Variants in SGCZ observed in about 807,000 individuals in gnomAD.
SGCZ encodes the protein zeta-sarcoglycan.
In SGCZ, 40 loss-of-function variants were observed where a neutral mutation model predicts 41.3. The observed-to-expected ratio is 0.97, with a 90% CI of 0.75 to 1.26. SGCZ has a LOEUF of 1.26. Among genes scored for constraint, SGCZ ranks in the 50% most tolerant of loss-of-function variants. The probability of loss-of-function intolerance (pLI) is 0.00; values close to 1 mark genes in which losing one functional copy is unlikely to be tolerated. For missense variants in SGCZ, 552 were observed against 369.8 expected, an observed-to-expected ratio of 1.49 and a Z score of -4.04; for synonymous variants, 206 against 137.5, an observed-to-expected ratio of 1.50 and a Z score of -3.49.
chr8:14,765,275 C>T (rs924924425), intron 1 of SGCZ, among the ~76,000 whole-genome samples: 8 of 152,120 alleles, frequency 5.3e-5, no homozygotes, highest in Non-Finnish European at 1.0e-4. Context: ...ATTTAATAAC[C>T]TTTTCAATGA....
At position 14,216,407 on chromosome 8, in the gene SGCZ, C is replaced by T. The variant is rs148041776; in HGVS notation, c.424+21185G>A. The stretch of plus-strand genomic sequence containing the variant: ...CACTTCCTAATTTGTCTTATGAGGC[C>T]AGCGTTACTCGGATAACAAATCTAC... On this transcript the variant is annotated intron_variant, in intron 4 of 7. Transcript: ENST00000382080. Among the ~76,000 whole-genome samples, 351 of 146,962 alleles carry T rather than the reference C, an allele frequency of 2.4e-3. 1 individual carries two copies. The highest frequency in any genetic ancestry group is 7.3e-3 in the African/African-American group (293 of 40,004).
chr8:14,170,057 ATTTT>A (rs35045034), intron 4 of SGCZ, among the ~76,000 whole-genome samples: 88 of 148,760 alleles, frequency 5.9e-4, no homozygotes, highest in East Asian at 1.6e-3. Flanking sequence ...CTTTCACTTG[ATTTT>A]TTTTTTTTTT....
intron 2 of SGCZ, among the ~76,000 whole-genome samples, chr8:14,391,696 G>A (rs531759507): frequency 6.6e-6 from 1 of 152,176 alleles, no homozygotes; most frequent in South Asian, 2.1e-4. Flanking sequence ...AGTGACGAAC[G>A]GGAGTGTTTT....
intron 1 of SGCZ, among the ~76,000 whole-genome samples, chr8:15,116,236 T>C (rs1807263118): frequency 6.6e-6 from 1 of 152,128 alleles, no homozygotes; most frequent in South Asian, 2.1e-4. Flanking sequence ...TGTAAAACAA[T>C]CAGAACCAGA....
chr8:14,436,694 A>G (rs1040385236), intron 2 of SGCZ, among the ~76,000 whole-genome samples: 1 of 152,224 alleles, frequency 6.6e-6, no homozygotes. Context: ...CTGCAGTAAC[A>G]GTTACTAATT....
chr8:15,214,328 T>A (rs1053265883), intron 1 of SGCZ, among the ~76,000 whole-genome samples: 1 of 152,130 alleles, frequency 6.6e-6, no homozygotes, highest in Admixed American at 6.5e-5. Context: ...CATACAAATA[T>A]ATGTATTATT....
At position 14,620,155 on chromosome 8, in the gene SGCZ, C is replaced by A. The variant is rs183421826; in HGVS notation, c.40-65229G>T. Among the ~76,000 whole-genome samples, 87 of 152,242 alleles carry A rather than the reference C, an allele frequency of 5.7e-4. 1 individual carries two copies. The East Asian group carries it at 0.015, about 26-fold the overall frequency. ...TACCACACATCTACAACCATCTGAT[C>A]TTTGACAAACCTGACAAAAACAAGA... On this transcript the variant is annotated intron_variant, in intron 1 of 7. Transcript: ENST00000382080.
At chr8:15,080,329 G>T (rs115808860) in intron 1 of SGCZ, among the ~76,000 whole-genome samples, 2,388 of 152,136 alleles carry the variant, frequency 0.016, 48 homozygotes, top group African/African-American at 0.054. Context: ...GACTCTGTGG[G>T]TCAATCTGAC....
intron 2 of SGCZ, among the ~76,000 whole-genome samples, chr8:14,383,389 GA>G (rs1804442506): frequency 6.6e-6 from 1 of 152,008 alleles, no homozygotes; most frequent in South Asian, 2.1e-4. Flanking sequence ...GAAGTCTAAT[GA>G]TGGAGTGACC....
chr8:14,919,255 A>G (rs1799522486), intron 1 of SGCZ, among the ~76,000 whole-genome samples: 1 of 152,004 alleles, frequency 6.6e-6, no homozygotes, highest in African/African-American at 2.4e-5. Flanking sequence ...CCTGGGTAAC[A>G]TGGTGAAATC....
chr8:14,989,788 T>C (rs568618705), intron 1 of SGCZ, among the ~76,000 whole-genome samples: 1 of 152,208 alleles, frequency 6.6e-6, no homozygotes, highest in Non-Finnish European at 1.5e-5. Context: ...TTTCATCTTT[T>C]TCATATCCTG....
chr8:14,683,128 T>C (rs1198730987), intron 1 of SGCZ, among the ~76,000 whole-genome samples: 1 of 152,184 alleles, frequency 6.6e-6, no homozygotes, highest in African/African-American at 2.4e-5. Flanking sequence ...TTCAAGTATG[T>C]CACAAAATCA....
In SGCZ at chr8:14,256,028, T is replaced by C. The variant is rs546375699; in HGVS notation, c.337-18349A>G. On this transcript the variant is annotated intron_variant, in intron 3 of 7. Transcript: ENST00000382080. ...TCGAGGAACATGCCTAAAAACTTTTTAGTAAAACTAAGTGATTGCTTGATA... is the reference window on the plus strand; with the variant it reads ...TCGAGGAACATGCCTAAAAACTTTTCAGTAAAACTAAGTGATTGCTTGATA... Among the ~76,000 whole-genome samples the C allele has an allele frequency of 4.6e-5, 7 of 152,290 alleles. No homozygotes were observed. In the South Asian group the frequency reaches 1.2e-3, roughly 27 times the overall value.
chr8:14,584,003 G>A (rs1009597546), intron 1 of SGCZ, among the ~76,000 whole-genome samples: 1 of 151,938 alleles, frequency 6.6e-6, no homozygotes, highest in Non-Finnish European at 1.5e-5. Flanking sequence ...GTTTCATTTT[G>A]TTTTTTCTGG....
chr8:14,617,743 A>G (rs974869783), intron 1 of SGCZ, among the ~76,000 whole-genome samples: 1 of 152,156 alleles, frequency 6.6e-6, no homozygotes, highest in African/African-American at 2.4e-5. Context: ...AACAATAGAC[A>G]TGGAAATAAA....
Position 14,636,410 on chromosome 8 carries a change from G to A in SGCZ, c.40-81484C>T, listed in dbSNP as rs115067637. ...CAACCAGCTAGTCTTACTAAGCTAT[G>A]AAGGCAAGAGATTTACATGAACTGA... On this transcript the variant is annotated intron_variant, in intron 1 of 7. Coordinates refer to ENST00000382080, the MANE Select transcript of SGCZ (RefSeq NM_139167.4). Among the ~76,000 whole-genome samples, 437 of 152,032 alleles carry A rather than the reference G, an allele frequency of 2.9e-3. 2 individuals are homozygous for A. Among genetic ancestry groups the A allele is most frequent in the African/African-American group, 9.8e-3 (406 of 41,534 alleles).
intron 4 of SGCZ, among the ~76,000 whole-genome samples, chr8:14,215,905 G>A (rs1805977924): frequency 6.6e-6 from 1 of 152,216 alleles, no homozygotes; most frequent in South Asian, 2.1e-4. Context: ...ACGAAAGACA[G>A]ATGAAGGAAT....
chr8:15,197,598 A>G (rs1358988928), intron 1 of SGCZ, among the ~76,000 whole-genome samples: 2 of 152,300 alleles, frequency 1.3e-5, no homozygotes, highest in African/African-American at 4.8e-5. Context: ...GGGTAAATTC[A>G]GCTTGAAAAT....
intron 2 of SGCZ, among the ~76,000 whole-genome samples, chr8:14,504,065 A>T (rs1017989119): frequency 2.0e-5 from 3 of 152,034 alleles, no homozygotes; most frequent in African/African-American, 7.2e-5. Context: ...TTTTCCAAAG[A>T]GTTCTTCCCT....
Sources: allele counts gnomAD v4.1 joint callset (sites outside exome capture counted in the v4.1 genomes callset), GRCh38; gene constraint gnomAD v4.1.1; transcripts MANE v1.5; gene names NCBI Gene and HGNC (gene_info 2026-07-23, HGNC 2026-07-21).